Variants in THOC1 observed in about 807,000 individuals in gnomAD.
The protein encoded by THOC1 is THO complex subunit 1.
THOC1 carries 29 observed loss-of-function variants against 97.3 expected under a neutral mutation model. The ratio of observed to expected loss-of-function variants is 0.30; its 90% CI spans 0.22 to 0.41. The LOEUF (loss-of-function observed/expected upper bound fraction) is 0.41. Among genes scored for constraint, THOC1 ranks in the 10% least tolerant of loss-of-function variants. The pLI, the probability that THOC1 is intolerant of heterozygous loss-of-function variation, is 1.00. For synonymous variants in THOC1, 255 were observed against 257.0 expected (o/e 0.99, Z 0.07); for missense variants, 529 against 761.9 (o/e 0.69, Z 3.60).
chr18:267,274 CTT>C (rs1315204059), intron 1 of THOC1, among the ~76,000 whole-genome samples: 1 of 152,144 alleles, frequency 6.6e-6, no homozygotes, highest in Admixed American at 6.5e-5. Context: ...GAAGTCACAA[CTT>C]TTTGGGGGGT....
chr18:215,565 A>G (rs1475596187), intron 19 of THOC1, 61 bp from the exon 20 acceptor site: 2 of 1,393,224 alleles, frequency 1.4e-6, no homozygotes, highest in East Asian at 4.6e-5. Context: ...GGTAACAGGT[A>G]TTTTGTTTGG....
chr18:227,946 T>TA (rs199524212), intron 11 of THOC1, among the ~76,000 whole-genome samples: 37,097 of 149,714 alleles, frequency 0.25, 4,617 homozygotes, highest in South Asian at 0.36. Context: ...CTCCAGGTCT[T>TA]AAAAAAAAAA....
At position 242,832 on chromosome 18, in the gene THOC1, C is replaced by T. The variant is rs1368007532; in HGVS notation, c.918+3492G>A. 6.6e-6 allele frequency among the ~76,000 whole-genome samples: 1 copy of T among 152,156 alleles called. No individual in the cohort carries two copies. Among genetic ancestry groups the T allele is most frequent in the East Asian group, 1.9e-4 (1 of 5,194 alleles). ...ACTGGCATATATTTAGGTGTGAAGG[C>T]CTTTTTGGGAATCCTAGTATCAAAA... is the stretch of plus-strand genomic sequence containing the variant. On this transcript the variant is annotated intron_variant, in intron 11 of 20. Transcript: ENST00000261600. This position sits in a 1 kb window ranked among gnomAD's most constrained non-coding sequence, Gnocchi z 4.5.
At chr18:221,757 T>A (rs28748574) in intron 17 of THOC1, among the ~76,000 whole-genome samples, 6 of 151,996 alleles carry the variant, frequency 3.9e-5, no homozygotes, top group Admixed American at 2.6e-4. Context: ...TACAGGCGCC[T>A]GCCACCACAC....
chr18:237,775 TACTC>T (rs1483323464), intron 11 of THOC1, among the ~76,000 whole-genome samples: 4 of 152,212 alleles, frequency 2.6e-5, no homozygotes, highest in African/African-American at 7.2e-5. Flanking sequence ...CCATATAACT[TACTC>T]AATTGAAATA....
At chr18:226,767 G>T in intron 12 of THOC1, 34 bp downstream of exon 12, 1 of 1,511,914 alleles carries the variant, frequency 6.6e-7, no homozygotes, top group Non-Finnish European at 9.0e-7. Flanking sequence ...CTTGGCTACT[G>T]TTTACAAATT....
chr18:227,145 A>G (rs1911318416), intron 11 of THOC1, among the ~76,000 whole-genome samples: 1 of 152,162 alleles, frequency 6.6e-6, no homozygotes, highest in Non-Finnish European at 1.5e-5. Flanking sequence ...ACAATGATCT[A>G]TCTATGGTCC....
At chr18:229,903 TC>T (rs1006352894) in intron 11 of THOC1, among the ~76,000 whole-genome samples, 1 of 151,520 alleles carries the variant, frequency 6.6e-6, no homozygotes, top group Non-Finnish European at 1.5e-5. Flanking sequence ...TTCAGTATTT[TC>T]TTCTCTTCTG....
In THOC1 at chr18:225,134, T is replaced by C. The variant is rs779457153; in HGVS notation, c.1092A>G (p.Leu364=). The change falls in exon 14 of 21, where the codon CTA becomes CTG. Residue 364 remains leucine, a synonymous_variant. Coordinates refer to ENST00000261600, the MANE Select transcript of THOC1 (RefSeq NM_005131.3). The stretch of plus-strand genomic sequence containing the variant: ...TTTCTCCATCGGGGGGGTTTTCAGA[T>C]AGTAGCTGTGATTAGAAAGAATATA... ...EDTTKSVYQL[L]SENPPDGERF... is the part of the protein sequence containing the mutation. The C allele has an allele frequency of 3.8e-6, 6 of 1,573,450 alleles. No individual in the cohort carries two copies. The highest frequency in any genetic ancestry group is 1.9e-5 in the Admixed American group (1 of 53,972).
intron 11 of THOC1, 136 bp downstream of exon 11, chr18:246,188 A>C: frequency 1.4e-6 from 1 of 720,154 alleles, no homozygotes. Flanking sequence ...TTTCAAACTA[A>C]CATTAATCAA....
At chr18:256,333 G>A (rs1484564353) in intron 7 of THOC1, among the ~76,000 whole-genome samples, 1 of 152,180 alleles carries the variant, frequency 6.6e-6, no homozygotes, top group Non-Finnish European at 1.5e-5. Context: ...ACAGGAGTTT[G>A]GAAGAGGTTG....
chr18:267,196 C>A (rs1912802882), intron 1 of THOC1, among the ~76,000 whole-genome samples: 1 of 152,088 alleles, frequency 6.6e-6, no homozygotes, highest in African/African-American at 2.4e-5. Context: ...TAAAAGTGTT[C>A]TTCATACTTA....
At chr18:263,089 C>T (rs1051293030) in intron 4 of THOC1, among the ~76,000 whole-genome samples, 1 of 151,196 alleles carries the variant, frequency 6.6e-6, no homozygotes, top group Non-Finnish European at 1.5e-5. Context: ...TGCAGCTGCT[C>T]TTTTTTTTTG....
chr18:251,652 G>C (rs1912283637), intron 9 of THOC1, among the ~76,000 whole-genome samples: 1 of 152,174 alleles, frequency 6.6e-6, no homozygotes, highest in Non-Finnish European at 1.5e-5. Context: ...TCTCTAGGTA[G>C]TCAGATTCCC....
Position 214,650 on chromosome 18 carries a change from A to AGTT in THOC1, c.1947_1949dup (p.Thr650dup), listed in dbSNP as rs1910800544. The stretch of plus-strand genomic sequence containing the variant: ...GCTAACTATTTGTCTCATTGTCATT[A>AGTT]GTTAGACTTTCTGCAAGGTCACTTA... On this transcript the variant is annotated inframe_insertion, in exon 21 of 21. Coordinates refer to ENST00000261600, the MANE Select transcript of THOC1 (RefSeq NM_005131.3). The AGTT allele has an allele frequency of 9.9e-6, 16 of 1,613,256 alleles. No homozygotes were observed. The highest frequency in any genetic ancestry group is 1.7e-5 in the Admixed American group (1 of 59,984).
At chr18:216,204 G>A (rs527819806) in intron 19 of THOC1, 70 of 273,268 alleles carry the variant, frequency 2.6e-4, no homozygotes, top group Non-Finnish European at 3.3e-4. Flanking sequence ...CACCCGCCTC[G>A]GCCTCCCAAA....
chr18:254,376 A>G lies in THOC1; in HGVS notation c.521-21T>C, dbSNP rs1289330066. 1.5e-5 allele frequency: 23 copies of G among 1,491,740 alleles called. No homozygotes were observed. The highest frequency in any genetic ancestry group is 2.0e-5 in the Non-Finnish European group (22 of 1,094,238). The allele number at this position is 1,491,740 out of a possible 1,614,324, so 92.4% of individuals were successfully genotyped here. A position where few individuals can be genotyped will look rare whatever the true frequency, so the allele number is the denominator to read the frequency against. ...AAGACCTAGTAAAAAAACAAAAAAAAGATGCAAAGCAAGTCCAGTGACACC... is the reference window on the plus strand; with the variant it reads ...AAGACCTAGTAAAAAAACAAAAAAAGGATGCAAAGCAAGTCCAGTGACACC... On this transcript the variant is annotated intron_variant, in intron 7 of 20. Transcript: ENST00000261600. The surrounding 1 kb of genome is among the most constrained non-coding windows in gnomAD (Gnocchi z 4.1).
chr18:224,535 TGCCACTG>T (rs1911207870), intron 15 of THOC1, among the ~76,000 whole-genome samples: 1 of 148,146 alleles, frequency 6.8e-6, no homozygotes, highest in African/African-American at 2.5e-5. Context: ...GCCAAGATCA[TGCCACTG>T]CACTCCAGCC....
At chr18:221,755 C>T (rs984137780) in intron 17 of THOC1, among the ~76,000 whole-genome samples, 2 of 152,012 alleles carry the variant, frequency 1.3e-5, no homozygotes, top group African/African-American at 2.4e-5. Flanking sequence ...ACTACAGGCG[C>T]CTGCCACCAC....
Sources: allele counts gnomAD v4.1 joint callset (sites outside exome capture counted in the v4.1 genomes callset), GRCh38; gene constraint gnomAD v4.1.1; non-coding constraint Gnocchi (gnomAD v3.1); transcripts MANE v1.5; gene names NCBI Gene and HGNC (gene_info 2026-07-23, HGNC 2026-07-21).